Variants in CRTC1 observed in about 807,000 individuals in gnomAD.
The protein encoded by CRTC1 is CREB-regulated transcription coactivator 1.
CRTC1 carries 18 observed loss-of-function variants against 66.1 expected under a neutral mutation model. The ratio of observed to expected loss-of-function variants is 0.27; its 90% CI spans 0.19 to 0.40. CRTC1 has a LOEUF of 0.40. CRTC1 is among the 10% of genes least tolerant of loss of function. The pLI, the probability that CRTC1 is intolerant of heterozygous loss-of-function variation, is 1.00. For synonymous variants in CRTC1, 416 were observed against 398.8 expected, an observed-to-expected ratio of 1.04 and a Z score of -0.51; for missense variants, 669 against 887.9, an observed-to-expected ratio of 0.75 and a Z score of 3.13.
intron 1 of CRTC1, among the ~76,000 whole-genome samples, chr19:18,734,882 C>A (rs974641943): frequency 3.3e-5 from 5 of 152,136 alleles, no homozygotes; most frequent in African/African-American, 1.2e-4. Flanking sequence ...GGACCCAGTG[C>A]CTGGAGGTGG....
intron 4 of CRTC1, among the ~76,000 whole-genome samples, chr19:18,749,084 C>T (rs1344659333): frequency 6.6e-5 from 10 of 152,138 alleles, no homozygotes; most frequent in Non-Finnish European, 1.5e-4. Flanking sequence ...CACCTGCAGC[C>T]AGGAGCAGAT....
At chr19:18,701,371 GTGTC>G (rs2053135647) in intron 1 of CRTC1, among the ~76,000 whole-genome samples, 3 of 152,262 alleles carry the variant, frequency 2.0e-5, no homozygotes, top group Non-Finnish European at 1.5e-5. Context: ...TCCACGCAAA[GTGTC>G]TGGCCCCGTG....
intron 1 of CRTC1, among the ~76,000 whole-genome samples, chr19:18,694,257 C>T (rs1380969870): frequency 4.2e-5 from 6 of 142,734 alleles, no homozygotes; most frequent in African/African-American, 1.3e-4. Flanking sequence ...ACTATGATCA[C>T]GCCACTTCAC....
At chr19:18,740,453 C>T (rs1286249745) in intron 1 of CRTC1, among the ~76,000 whole-genome samples, 3 of 152,302 alleles carry the variant, frequency 2.0e-5, no homozygotes, top group Non-Finnish European at 1.5e-5. Context: ...TGACCACCCT[C>T]ATGGCCAACC....
intron 10 of CRTC1, among the ~76,000 whole-genome samples, chr19:18,769,264 G>A (rs2054809915): frequency 6.6e-6 from 1 of 152,256 alleles, no homozygotes; most frequent in South Asian, 2.1e-4. Flanking sequence ...CTGCAGCTCA[G>A]ACCATTGGAC....
At chr19:18,753,734 G>C (rs544962947) in intron 6 of CRTC1, 149 bp downstream of exon 6, 39 of 615,290 alleles carry the variant, frequency 6.3e-5, no homozygotes, top group African/African-American at 6.0e-4. Flanking sequence ...CAAATTCAGA[G>C]AATCTGTTAG....
intron 1 of CRTC1, among the ~76,000 whole-genome samples, chr19:18,699,568 T>A: frequency 6.6e-6 from 1 of 152,194 alleles, no homozygotes; most frequent in Non-Finnish European, 1.5e-5. Flanking sequence ...TGGTATTTCC[T>A]GAGCATCTCC....
In CRTC1 at chr19:18,782,265, G is replaced by A; in HGVS notation, c.*4883G>A. On this transcript the variant is annotated 3_prime_UTR_variant, in exon 14 of 14. Transcript: ENST00000321949. ...CCGTCCCTGCCCCATCCTCTGGCAG[G>A]GCTGCTTTTGTCTTTGTACCTTTGC... 4.5e-6 allele frequency: 1 copy of A among 223,316 alleles called. No individual in the cohort carries two copies. 13.8% of individuals were successfully genotyped at this position (223,316 alleles called of 1,614,324 possible).
rs2054866604 is a variant in CRTC1 at position 18,771,455 on chromosome 19, A to G, written c.1334A>G (p.Gln445Arg). The G allele has an allele frequency of 1.2e-6, 2 of 1,613,018 alleles. No homozygotes were observed. Among genetic ancestry groups the G allele is most frequent in the Admixed American group, 1.7e-5 (1 of 59,922 alleles). Residue 445 changes from glutamine to arginine, a missense_variant, in exon 11 of 14, where the codon CAG becomes CGG. By Grantham distance (43) the Gln-to-Arg change is conservative. Transcript: ENST00000321949. This position sits in a 1 kb window ranked among gnomAD's most constrained non-coding sequence, Gnocchi z 4.6. ...GIDIASAPAL[Q>R]QYRTSAGSPA... The stretch of plus-strand genomic sequence containing the variant: ...CTGTCATCGCAGGCGCCGGCTCTGC[A>G]GCAGTACCGCACTAGCGCCGGCTCC...
intron 1 of CRTC1, among the ~76,000 whole-genome samples, chr19:18,724,148 C>T (rs1421520859): frequency 6.6e-5 from 10 of 152,160 alleles, no homozygotes; most frequent in African/African-American, 9.7e-5. Context: ...ACAGGCTCCT[C>T]GGCAGCATCG....
At chr19:18,710,558 G>T (rs951757123) in intron 1 of CRTC1, among the ~76,000 whole-genome samples, 3 of 152,056 alleles carry the variant, frequency 2.0e-5, no homozygotes, top group Non-Finnish European at 2.9e-5. Flanking sequence ...GGGTAGCGAG[G>T]GTCACACTCT....
rs1199711601 is a variant in CRTC1, at chr19:18,765,466, A to G, written c.949A>G (p.Ser317Gly). The change falls in exon 9 of 14, where the codon AGC (serine) becomes GGC (glycine). Residue 317 changes from serine to glycine, a missense_variant. Around this residue, in one of 8 missense-constraint regions of CRTC1, gnomAD observed 241 missense variants for 242.2 expected, o/e 0.99. Transcript: ENST00000321949. ...AGCTGGCGTCAGCCCCCTGTCCCTG[A>G]GCACAGAGGCAAGGCGTCAGCAGGC... ...RPAGVSPLSLSTEARRQQASP... is the reference protein window; with the variant it reads ...RPAGVSPLSLGTEARRQQASP... 11 of 1,612,188 alleles carry G rather than the reference A, an allele frequency of 6.8e-6. No individual in the cohort carries two copies. The highest frequency in any genetic ancestry group is 1.3e-5 in the African/African-American group (1 of 74,910).
At chr19:18,721,157 A>T (rs1296702577) in intron 1 of CRTC1, among the ~76,000 whole-genome samples, 1 of 148,616 alleles carries the variant, frequency 6.7e-6, no homozygotes, top group Non-Finnish European at 1.5e-5. Context: ...GATGCTAGTC[A>T]TTGGATTTAA....
intron 1 of CRTC1, among the ~76,000 whole-genome samples, chr19:18,703,200 G>T (rs535132565): frequency 6.6e-6 from 1 of 152,226 alleles, no homozygotes; most frequent in Admixed American, 6.5e-5. Context: ...TGTTAGCCAG[G>T]ACGGTCTCGG....
chr19:18,771,371 C>T lies in CRTC1; in HGVS notation c.1321-71C>T, dbSNP rs2145851786. Reference sequence around the variant, plus strand: ...TGCCTGGGGGCTGATCAGGCTGCTCCCGGGAAGCAGGGACTGGAGCCCGGG... The same window carrying T: ...TGCCTGGGGGCTGATCAGGCTGCTCTCGGGAAGCAGGGACTGGAGCCCGGG... On this transcript the variant is annotated intron_variant, in intron 10 of 13. Transcript: ENST00000321949. The surrounding 1 kb of genome is among the most constrained non-coding windows in gnomAD (Gnocchi z 4.6). The T allele has an allele frequency of 7.3e-7, 1 of 1,377,878 alleles. No homozygotes were observed. The highest frequency in any genetic ancestry group is 1.0e-6 in the Non-Finnish European group (1 of 1,004,016). The allele number at this position is 1,377,878 out of a possible 1,614,324, so 85.4% of individuals were successfully genotyped here.
At position 18,777,592 on chromosome 19, in the gene CRTC1, C is replaced by A. The variant is rs1207896790; in HGVS notation, c.*210C>A. On this transcript the variant is annotated 3_prime_UTR_variant, in exon 14 of 14. Transcript: ENST00000321949. The surrounding 1 kb of genome is among the most constrained non-coding windows in gnomAD (Gnocchi z 5.5). ...GCCGGGCCGTCCACCCACCCGCCCG[C>A]CCAGGGCTGGGCTGGGATCGGAGGC... 8 of 551,250 alleles carry A rather than the reference C, an allele frequency of 1.5e-5. No individual in the cohort carries two copies. Among genetic ancestry groups the A allele is most frequent in the African/African-American group, 1.4e-4 (7 of 49,412 alleles). 34.1% of individuals were successfully genotyped at this position (551,250 alleles called of 1,614,324 possible). A position where few individuals can be genotyped will look rare whatever the true frequency, so the allele number is the denominator to read the frequency against.
intron 1 of CRTC1, among the ~76,000 whole-genome samples, chr19:18,684,777 G>A (rs1190991156): frequency 6.6e-6 from 1 of 152,176 alleles, no homozygotes; most frequent in African/African-American, 2.4e-5. Flanking sequence ...GTCTGGCAGA[G>A]CAGATACCCT....
At chr19:18,689,642 A>G (rs2052781707) in intron 1 of CRTC1, among the ~76,000 whole-genome samples, 1 of 129,416 alleles carries the variant, frequency 7.7e-6, no homozygotes, top group Non-Finnish European at 1.6e-5. Flanking sequence ...AGTGGCATTA[A>G]GTTTATTCCC....
intron 1 of CRTC1, among the ~76,000 whole-genome samples, chr19:18,737,468 T>C (rs1447733044): frequency 6.6e-6 from 1 of 152,076 alleles, no homozygotes; most frequent in Non-Finnish European, 1.5e-5. Flanking sequence ...ATGCTGGTCA[T>C]GCAGGGGTTA....
Sources: gnomAD v4.1 joint callset for allele counts (sites outside exome capture counted in the v4.1 genomes callset) on GRCh38, gnomAD v4.1.1 for gene constraint, gnomAD v4.1.1 regional missense constraint, Gnocchi (gnomAD v3.1) non-coding constraint, MANE v1.5 for transcripts, NCBI Gene and HGNC (gene_info 2026-07-23, HGNC 2026-07-21) for gene names.